SNTG1: variants seen among roughly 807,000 people sequenced by gnomAD.
The protein encoded by SNTG1 is gamma-1-syntrophin.
In SNTG1, 39 loss-of-function variants were observed where a neutral mutation model predicts 74.7. That is an observed-to-expected ratio of 0.52 (90% confidence interval 0.40 to 0.68). SNTG1 has a LOEUF of 0.68. Among genes scored for constraint, SNTG1 ranks in the 30% least tolerant of loss-of-function variants. The probability of loss-of-function intolerance (pLI) is 0.00; values close to 1 mark genes in which losing one functional copy is unlikely to be tolerated. For missense variants in SNTG1, 685 were observed against 609.5 expected (o/e 1.12, Z -1.30); for synonymous variants, 254 against 217.1 (o/e 1.17, Z -1.49).
chr8:50,596,340 T>G (rs2094727091), intron 13 of SNTG1, among the ~76,000 whole-genome samples: 1 of 152,090 alleles, frequency 6.6e-6, no homozygotes, highest in Non-Finnish European at 1.5e-5. Flanking sequence ...TGAGTCATGC[T>G]TTTGAAATTG....
At chr8:50,789,369 A>C (rs988942753) in intron 18 of SNTG1, among the ~76,000 whole-genome samples, 6 of 151,914 alleles carry the variant, frequency 3.9e-5, no homozygotes, top group Admixed American at 3.3e-4. Flanking sequence ...GTGGAGTCTC[A>C]GGGATGAGTG....
chr8:50,011,586 T>A (rs1815799222), intron 1 of SNTG1, among the ~76,000 whole-genome samples: 1 of 151,894 alleles, frequency 6.6e-6, no homozygotes, highest in Non-Finnish European at 1.5e-5. Flanking sequence ...TTCTAATAAT[T>A]TTTATACGTG....
chr8:50,281,885 A>G (rs934307489), intron 2 of SNTG1, among the ~76,000 whole-genome samples: 1 of 152,190 alleles, frequency 6.6e-6, no homozygotes, highest in Non-Finnish European at 1.5e-5. Context: ...TATAGCAAAT[A>G]CAAGTTTTAA....
chr8:50,676,054 GC>G (rs981767117), intron 15 of SNTG1, among the ~76,000 whole-genome samples: 15 of 151,926 alleles, frequency 9.9e-5, no homozygotes, highest in African/African-American at 3.6e-4. Context: ...CTCTCTGGCT[GC>G]CCTTAGCAGT....
chr8:50,765,723 CA>C (rs1039495930), intron 18 of SNTG1, among the ~76,000 whole-genome samples: 12 of 151,818 alleles, frequency 7.9e-5, no homozygotes, highest in Admixed American at 3.3e-4. Flanking sequence ...TGAATAGTGA[CA>C]AAAAATATTT....
chr8:49,956,062 A>C (rs1241019855), intron 1 of SNTG1, among the ~76,000 whole-genome samples: 1 of 152,240 alleles, frequency 6.6e-6, no homozygotes, highest in African/African-American at 2.4e-5. Context: ...AAGTCTCCTG[A>C]AGTGTTACAT....
At chr8:50,614,981 C>T (rs1585851479) in intron 13 of SNTG1, among the ~76,000 whole-genome samples, 3 of 142,988 alleles carry the variant, frequency 2.1e-5, no homozygotes, top group African/African-American at 7.8e-5. Context: ...CTCACTCTGT[C>T]GCCCAGGCTG....
chr8:50,167,048 C>T (rs571390359), intron 1 of SNTG1, among the ~76,000 whole-genome samples: 2 of 138,968 alleles, frequency 1.4e-5, no homozygotes, highest in East Asian at 4.1e-4. Flanking sequence ...TGCATATTCT[C>T]ACTCATAGGT....
At chr8:50,763,299 A>C (rs746510469) in intron 18 of SNTG1, among the ~76,000 whole-genome samples, 6 of 151,894 alleles carry the variant, frequency 4.0e-5, no homozygotes, top group Middle Eastern at 3.2e-3. Flanking sequence ...GGAAACCTGA[A>C]GCCCCTGATA....
chr8:50,653,938 C>T (rs1002726310), intron 13 of SNTG1, among the ~76,000 whole-genome samples: 5 of 152,104 alleles, frequency 3.3e-5, no homozygotes, highest in Admixed American at 1.3e-4. Context: ...TATTATAAAT[C>T]GTCTGCCTTC....
chr8:50,337,014 T>C (rs1423035452), intron 2 of SNTG1, among the ~76,000 whole-genome samples: 1 of 152,242 alleles, frequency 6.6e-6, no homozygotes, highest in East Asian at 1.9e-4. Flanking sequence ...GCTCTTTTTA[T>C]CTTCAAAAGT....
chr8:50,499,505 C>T (rs541245436), intron 8 of SNTG1, among the ~76,000 whole-genome samples: 4 of 150,986 alleles, frequency 2.6e-5, no homozygotes, highest in Non-Finnish European at 5.9e-5. Context: ...TCCTTCTTTC[C>T]AAATATAGAT....
intron 4 of SNTG1, among the ~76,000 whole-genome samples, chr8:50,415,309 T>C (rs1489474847): frequency 1.3e-5 from 2 of 152,148 alleles, no homozygotes; most frequent in Non-Finnish European, 2.9e-5. Flanking sequence ...ATTAAGAAGG[T>C]AATATTTAAA....
At chr8:50,440,635 A>T (rs1353935691) in intron 5 of SNTG1, among the ~76,000 whole-genome samples, 1 of 152,232 alleles carries the variant, frequency 6.6e-6, no homozygotes, top group African/African-American at 2.4e-5. Context: ...CACTAATAAA[A>T]GTATGCATAT....
chr8:50,479,107 C>T (rs1325980329), intron 8 of SNTG1, among the ~76,000 whole-genome samples: 1 of 152,136 alleles, frequency 6.6e-6, no homozygotes, highest in Non-Finnish European at 1.5e-5. Context: ...GGATATACAG[C>T]TGTCAAACTA....
At chr8:50,698,468 T>C (rs1232440137) in intron 15 of SNTG1, among the ~76,000 whole-genome samples, 1 of 152,006 alleles carries the variant, frequency 6.6e-6, no homozygotes, top group African/African-American at 2.4e-5. Flanking sequence ...TCCCCTCCTG[T>C]ACTGGTGGGG....
chr8:50,318,094 C>T (rs1256225631), intron 2 of SNTG1, among the ~76,000 whole-genome samples: 1 of 152,092 alleles, frequency 6.6e-6, no homozygotes, highest in Admixed American at 6.5e-5. Context: ...CCTTGACCTC[C>T]CAAAGTGCTG....
chr8:50,603,986 C>G (rs1364555319), intron 13 of SNTG1, among the ~76,000 whole-genome samples: 4 of 152,140 alleles, frequency 2.6e-5, no homozygotes, highest in African/African-American at 9.7e-5. Context: ...CACCTAGGTT[C>G]ACTCAAAGCC....
At chr8:50,184,725 C>T (rs1405150718) in intron 2 of SNTG1, among the ~76,000 whole-genome samples, 1 of 152,094 alleles carries the variant, frequency 6.6e-6, no homozygotes, top group Non-Finnish European at 1.5e-5. Context: ...CTTGAAATAT[C>T]TCCGTCATTC....
Sources: gnomAD v4.1 joint callset for allele counts (sites outside exome capture counted in the v4.1 genomes callset) on GRCh38, gnomAD v4.1.1 for gene constraint, MANE v1.5 for transcripts, NCBI Gene and HGNC (gene_info 2026-07-23, HGNC 2026-07-21) for gene names.